The following CSF2RA variants were observed in gnomAD, a reference collection of about 807,000 sequenced individuals.
CSF2RA encodes the protein colony stimulating factor 2 receptor subunit alpha, also known as granulocyte-macrophage colony-stimulating factor receptor subunit alpha.
CSF2RA carries 42 observed loss-of-function variants against 51.6 expected under a neutral mutation model. That is an observed-to-expected ratio of 0.81 (90% CI 0.64 to 1.05). CSF2RA has a LOEUF of 1.05. Ranked by LOEUF, CSF2RA falls within the 50% of genes least tolerant of loss-of-function variation. CSF2RA has a pLI of 0.00. For synonymous variants in CSF2RA, 222 were observed against 193.0 expected, an observed-to-expected ratio of 1.15 and a Z score of -1.24; for missense variants, 530 against 501.1, an observed-to-expected ratio of 1.06 and a Z score of -0.55.
chrX:1,289,399 G>T (rs1266382199), intron 6 of CSF2RA, among the ~76,000 whole-genome samples: 1 of 152,200 alleles, frequency 6.6e-6, no homozygotes, highest in African/African-American at 2.4e-5. Flanking sequence ...AAAGTGCTGG[G>T]ATTACAGGCG....
chrX:1,314,947 C>CACTGCGCCTGCCCAACCCCACTGCA (rs2084491787), downstream of CSF2RA, among the ~76,000 whole-genome samples: 1 of 112,350 alleles, frequency 8.9e-6, no homozygotes, highest in African/African-American at 3.5e-5. Context: ...TGCCCAACCC[C>CACTGCGCCTGCCCAACCCCACTGCA]TCTGTGCCTG....
At chrX:1,323,364 C>G in the CSF2RA span, among the ~76,000 whole-genome samples, 1 of 151,738 alleles carries the variant, frequency 6.6e-6, no homozygotes, top group South Asian at 2.1e-4. Flanking sequence ...AGCCACCGCA[C>G]CTGGCCCCAG....
intron 1 of CSF2RA, among the ~76,000 whole-genome samples, chrX:1,272,259 T>C (rs1255027549): frequency 2.0e-5 from 3 of 151,826 alleles, no homozygotes; most frequent in African/African-American, 7.3e-5. Context: ...CAGCCAGATT[T>C]ACACATTTAT....
At chrX:1,318,553 G>A in the CSF2RA span, among the ~76,000 whole-genome samples, 1 of 151,898 alleles carries the variant, frequency 6.6e-6, no homozygotes, top group Admixed American at 6.6e-5. Context: ...CTCCCCCTGA[G>A]CCGCCGATAG....
At chrX:1,294,159 C>A in intron 7 of CSF2RA, 169 bp from the exon 8 acceptor site, 1 of 825,858 alleles carries the variant, frequency 1.2e-6, no homozygotes, top group Non-Finnish European at 2.1e-6. Flanking sequence ...CCAGTGTAGT[C>A]AAAGAGGTGT....
the CSF2RA span, among the ~76,000 whole-genome samples, chrX:1,323,931 G>C: frequency 3.3e-5 from 5 of 151,796 alleles, no homozygotes; most frequent in Non-Finnish European, 7.4e-5. Context: ...GGAGAATGGC[G>C]TGAACCCGGG....
chrX:1,279,845 A>G (rs1170936489), intron 2 of CSF2RA, among the ~76,000 whole-genome samples: 1 of 151,434 alleles, frequency 6.6e-6, no homozygotes, highest in African/African-American at 2.4e-5. Flanking sequence ...GCTGGAGGGC[A>G]GTGGCGCGAT....
At position 1,303,905 on chromosome X, in the gene CSF2RA, A is replaced by G; in HGVS notation, c.947-18A>G. On this transcript the variant is annotated intron_variant, in intron 10 of 12. Coordinates refer to ENST00000381529, the MANE Select transcript of CSF2RA (RefSeq NM_172245.4). ...CGTCAACGATTCACCGCAGACGCAA[A>G]CCTGTGTGTCTCTCCAGGTTCTGAC... 1 of 1,604,724 alleles carries G rather than the reference A, an allele frequency of 6.2e-7. No homozygotes were observed. Among genetic ancestry groups the G allele is most frequent in the Non-Finnish European group, 8.5e-7 (1 of 1,171,664 alleles).
intron 3 of CSF2RA, among the ~76,000 whole-genome samples, chrX:1,283,127 C>CTTCG (rs1209068567): frequency 1.3e-4 from 3 of 22,752 alleles, no homozygotes; most frequent in Non-Finnish European, 3.1e-4. Flanking sequence ...TCCTTCGTTC[C>CTTCG]TTCCTTCCTT....
chrX:1,303,594 T>C (rs777572866), intron 10 of CSF2RA, among the ~76,000 whole-genome samples: 1 of 152,218 alleles, frequency 6.6e-6, no homozygotes, highest in Admixed American at 6.5e-5. Context: ...CAGGCTGGTC[T>C]CGAACTCCCA....
intron 2 of CSF2RA, among the ~76,000 whole-genome samples, chrX:1,281,519 TCTC>T (rs1292678490): frequency 4.3e-5 from 6 of 140,736 alleles, no homozygotes; most frequent in South Asian, 2.3e-4. Context: ...TTCTCTTCCT[TCTC>T]CTCCTCCTCC....
intron 1 of CSF2RA, among the ~76,000 whole-genome samples, chrX:1,272,541 G>T (rs2088574009): frequency 6.6e-6 from 1 of 151,720 alleles, no homozygotes; most frequent in Admixed American, 6.6e-5. Flanking sequence ...AGGCTGGAGT[G>T]CAGTGGTGCG....
intron 1 of CSF2RA, among the ~76,000 whole-genome samples, chrX:1,269,343 G>T (rs2088028738): frequency 6.6e-6 from 1 of 152,132 alleles, no homozygotes; most frequent in Admixed American, 6.6e-5. Flanking sequence ...GAACGCGGCC[G>T]GGCGTGGTGG....
At chrX:1,269,259 G>A (rs2088014071) in intron 1 of CSF2RA, among the ~76,000 whole-genome samples, 1 of 152,140 alleles carries the variant, frequency 6.6e-6, no homozygotes, top group African/African-American at 2.4e-5. Context: ...AGGGCGTTGG[G>A]GTGTAGTATC....
intron 12 of CSF2RA, among the ~76,000 whole-genome samples, chrX:1,309,174 T>C (rs2083981003): frequency 6.6e-6 from 1 of 151,916 alleles, no homozygotes; most frequent in South Asian, 2.1e-4. Flanking sequence ...TCAGTCAAAT[T>C]TGTGGTGGCG....
chrX:1,285,554 G>A (rs1166416996), intron 3 of CSF2RA: 4 of 603,438 alleles, frequency 6.6e-6, no homozygotes, highest in Non-Finnish European at 1.2e-5. Context: ...AATTAGCTGG[G>A]CATGGTGGTC....
intron 9 of CSF2RA, among the ~76,000 whole-genome samples, chrX:1,299,588 C>T (rs1328280229): frequency 6.6e-6 from 1 of 151,870 alleles, no homozygotes; most frequent in Non-Finnish European, 1.5e-5. Flanking sequence ...CTACAGGCAC[C>T]CACCCCCACA....
intron 1 of CSF2RA, among the ~76,000 whole-genome samples, chrX:1,273,271 G>GA (rs368445683): frequency 6.6e-6 from 1 of 151,052 alleles, no homozygotes; most frequent in Non-Finnish European, 1.5e-5. Context: ...ACAAGACAGA[G>GA]AAAAAAAACA....
At position 1,285,794 on chromosome X, in the gene CSF2RA, A is replaced by T; in HGVS notation, c.93A>T (p.Ala31=). The T allele has an allele frequency of 6.2e-7, 1 of 1,609,738 alleles. No homozygotes were observed. Among genetic ancestry groups the T allele is most frequent in the Non-Finnish European group, 8.5e-7 (1 of 1,178,266 alleles). The stretch of plus-strand genomic sequence containing the variant: ...TCCTTGCAGATCTGCGAACAGTGGC[A>T]CCAGCCTCTAGTCTCAATGTGAGGT... The part of the protein sequence containing the change: ...IPEKSDLRTV[A]PASSLNVRFD... Residue 31 remains alanine (A), a synonymous_variant, in exon 4 of 13, where the codon GCA becomes GCT. Transcript: ENST00000381529.
Sources: allele counts gnomAD v4.1 joint callset (sites outside exome capture counted in the v4.1 genomes callset), GRCh38; gene constraint gnomAD v4.1.1; transcripts MANE v1.5; gene names NCBI Gene and HGNC (gene_info 2026-07-23, HGNC 2026-07-21).